AKAP9: variants seen among roughly 807,000 people sequenced by gnomAD.
AKAP9 encodes the protein A-kinase anchoring protein 9.
Under a neutral mutation model 488.5 loss-of-function variants are expected in AKAP9, and 311 were observed. The observed-to-expected ratio is 0.64, with a 90% CI of 0.58 to 0.70. The LOEUF is 0.70. Ranked by LOEUF, AKAP9 falls within the 30% of genes least tolerant of loss-of-function variation. The pLI is 0.00. For synonymous variants in AKAP9, 1,462 were observed against 1,483.5 expected (o/e 0.99, Z 0.33); for missense variants, 4,215 against 4,374.5 (o/e 0.96, Z 1.03).
At chr7:91,974,327 A>G (rs1259024280) in intron 2 of AKAP9, among the ~76,000 whole-genome samples, 2 of 124,798 alleles carry the variant, frequency 1.6e-5, no homozygotes, top group African/African-American at 6.5e-5. Flanking sequence ...TAGATGTCCA[A>G]CTTCATTTTT....
chr7:92,109,035 G>T, intron 49 of AKAP9: 1 of 252,798 alleles, frequency 4.0e-6, no homozygotes, highest in East Asian at 6.0e-5. Flanking sequence ...AGCAGAGCGA[G>T]ACCCTGTCTC....
In AKAP9 at chr7:92,000,873, C is replaced by T. The variant is rs1046115717; in HGVS notation, c.956C>T (p.Ser319Leu). The T allele has an allele frequency of 2.8e-6, 4 of 1,413,832 alleles. No individual in the cohort carries two copies. The Admixed American group carries it at 8.6e-5, about 31-fold the overall frequency. The allele number at this position is 1,413,832 out of a possible 1,614,324, so 87.6% of individuals were successfully genotyped here. The change falls in exon 8 of 50, where the codon TCA becomes TTA. Residue 319 changes from serine (S) to leucine (L), a missense_variant. Ser to Leu is a moderately radical substitution (Grantham distance 145). Transcript: ENST00000356239. ...EMEQDKKVENSNKEEIQEKET... is the reference protein window; with the variant it reads ...EMEQDKKVENLNKEEIQEKET... Reference sequence around the variant, plus strand: ...GAACAAGATAAAAAAGTAGAAAACTCAAATAAAGAAGAAATACAGGAAAAG... The same window carrying T: ...GAACAAGATAAAAAAGTAGAAAACTTAAATAAAGAAGAAATACAGGAAAAG...
chr7:91,965,721 A>G, intron 1 of AKAP9, among the ~76,000 whole-genome samples: 1 of 152,208 alleles, frequency 6.6e-6, no homozygotes, highest in East Asian at 1.9e-4. Flanking sequence ...GATGAAAGTC[A>G]GTTTAACTGC....
chr7:91,949,908 G>A (rs1212407416), intron 1 of AKAP9, among the ~76,000 whole-genome samples: 7 of 152,122 alleles, frequency 4.6e-5, no homozygotes, highest in Non-Finnish European at 1.0e-4. Flanking sequence ...ACTGTTCTCT[G>A]AGATTTTTGT....
rs774625490 is a variant in AKAP9 at position 92,082,682 on chromosome 7, T to A, written c.8160+20T>A. ...CTTTTGGTAAGATAAGTAACATAGC[T>A]CCTAATTCACTCATTTCTACCTATC... On this transcript the variant is annotated intron_variant, in intron 32 of 49. Transcript: ENST00000356239. 1 of 1,613,156 alleles carries A rather than the reference T, an allele frequency of 6.2e-7. No homozygotes were observed. The highest frequency in any genetic ancestry group is 8.5e-7 in the Non-Finnish European group (1 of 1,179,314).
chr7:91,995,958 T>G lies in AKAP9; in HGVS notation c.930+158T>G, dbSNP rs1157047082. 1.1e-5 allele frequency: 7 copies of G among 641,552 alleles called. No individual in the cohort carries two copies. In the East Asian group the frequency reaches 1.4e-4, roughly 12 times the overall value. The allele number at this position is 641,552 out of a possible 1,614,324, so 39.7% of individuals were successfully genotyped here. On this transcript the variant is annotated intron_variant, in intron 7 of 49. Coordinates refer to ENST00000356239, the MANE Select transcript of AKAP9 (RefSeq NM_005751.5). ...CAAAAGCAAATGGGAATCTCAGTAA[T>G]GTAGTTTTTAAGATAATAGTCATTA...
intron 9 of AKAP9, among the ~76,000 whole-genome samples, chr7:92,013,578 T>G (rs1285362174): frequency 6.6e-6 from 1 of 152,180 alleles, no homozygotes; most frequent in African/African-American, 2.4e-5. Context: ...GAGTAGTGAT[T>G]AGAACACCAG....
chr7:92,104,196 T>TA (rs34106686), intron 46 of AKAP9, among the ~76,000 whole-genome samples: 44 of 142,472 alleles, frequency 3.1e-4, no homozygotes, highest in East Asian at 2.6e-3. Flanking sequence ...ATTTATTTTT[T>TA]TTTTTTTTTT....
At chr7:92,098,022 T>C (rs1816909853) in intron 42 of AKAP9, 87 bp from the exon 43 acceptor site, 7 of 930,210 alleles carry the variant, frequency 7.5e-6, no homozygotes, top group Admixed American at 2.0e-5. Context: ...ATAGGTGAAG[T>C]AGAACGTCGC....
At chr7:92,025,303 C>T (rs2299239) in intron 14 of AKAP9, among the ~76,000 whole-genome samples, 60,336 of 151,586 alleles carry the variant, frequency 0.4, 12,236 homozygotes, top group African/African-American at 0.46. Context: ...TGGGCTTCTG[C>T]AAGCTCACCA....
intron 26 of AKAP9, among the ~76,000 whole-genome samples, chr7:92,069,700 C>T (rs1266587227): frequency 1.3e-5 from 2 of 152,080 alleles, no homozygotes; most frequent in Admixed American, 6.6e-5. Flanking sequence ...TTCCTTTGAG[C>T]ATGATGTCAG....
At chr7:92,010,958 A>G (rs954342653) in intron 8 of AKAP9, among the ~76,000 whole-genome samples, 1 of 152,160 alleles carries the variant, frequency 6.6e-6, no homozygotes, top group Admixed American at 6.5e-5. Context: ...CAGCCCATAT[A>G]GTCATTTTAA....
intron 28 of AKAP9, among the ~76,000 whole-genome samples, chr7:92,075,096 A>C (rs1812357090): frequency 2.0e-5 from 3 of 152,284 alleles, no homozygotes; most frequent in East Asian, 3.9e-4. Context: ...AAATTAAAAA[A>C]AAAATAAAAC....
intron 6 of AKAP9, among the ~76,000 whole-genome samples, chr7:91,995,081 CTGGT>C (rs1798224705): frequency 6.6e-6 from 1 of 152,144 alleles, no homozygotes; most frequent in Non-Finnish European, 1.5e-5. Flanking sequence ...TTTGCCAATT[CTGGT>C]ATGGTTTATT....
intron 3 of AKAP9, among the ~76,000 whole-genome samples, chr7:91,989,141 A>G (rs1749216903): frequency 3.6e-5 from 2 of 55,390 alleles, no homozygotes; most frequent in Admixed American, 1.6e-4. Context: ...TGATTCCCTT[A>G]ATAAATTGTT....
chr7:92,025,878 A>C (rs932242477), intron 14 of AKAP9, among the ~76,000 whole-genome samples: 2 of 152,242 alleles, frequency 1.3e-5, no homozygotes, highest in African/African-American at 2.4e-5. Flanking sequence ...CAGTGTAATC[A>C]CTGAAATAAT....
chr7:92,042,206 A>G lies in AKAP9; in HGVS notation c.5058+20A>G. The stretch of plus-strand genomic sequence containing the variant: ...ACACAGGTAGTATGGACTTTGCCCC[A>G]CCTAGGAGCAATGGATCACCAATTC... On this transcript the variant is annotated intron_variant, in intron 19 of 49. Coordinates refer to ENST00000356239, the MANE Select transcript of AKAP9 (RefSeq NM_005751.5). 6.2e-7 allele frequency: 1 copy of G among 1,613,414 alleles called. No homozygotes were observed. Among genetic ancestry groups the G allele is most frequent in the South Asian group, 1.1e-5 (1 of 91,072 alleles).
intron 1 of AKAP9, among the ~76,000 whole-genome samples, chr7:91,969,023 C>T (rs1247206806): frequency 6.6e-6 from 1 of 152,008 alleles, no homozygotes; most frequent in Non-Finnish European, 1.5e-5. Flanking sequence ...AGGCGTGGGA[C>T]ACCATGCCTA....
intron 8 of AKAP9, among the ~76,000 whole-genome samples, chr7:92,007,863 A>G (rs1444572439): frequency 1.3e-5 from 2 of 152,256 alleles, no homozygotes; most frequent in Non-Finnish European, 2.9e-5. Context: ...TGCATTTAAC[A>G]TGATGTGTTG....
Sources: gnomAD v4.1 joint callset for allele counts (sites outside exome capture counted in the v4.1 genomes callset) on GRCh38, gnomAD v4.1.1 for gene constraint, MANE v1.5 for transcripts, NCBI Gene and HGNC (gene_info 2026-07-23, HGNC 2026-07-21) for gene names.